CNTNAP2: variants seen among roughly 807,000 people sequenced by gnomAD.
CNTNAP2 encodes contactin associated protein 2.
Under a neutral mutation model 155.2 loss-of-function variants are expected in CNTNAP2, and 98 were observed. That is an observed-to-expected ratio of 0.63 (90% CI 0.54 to 0.75). The LOEUF is 0.75. CNTNAP2 is among the 30% of genes least tolerant of loss of function. CNTNAP2 has a pLI of 0.00. For synonymous variants in CNTNAP2, 651 were observed against 631.2 expected (o/e 1.03, Z -0.47); for missense variants, 1,727 against 1,688.1 (o/e 1.02, Z -0.40).
At chr7:147,434,373 A>G (rs1797516115) in intron 10 of CNTNAP2, among the ~76,000 whole-genome samples, 1 of 152,212 alleles carries the variant, frequency 6.6e-6, no homozygotes, top group Non-Finnish European at 1.5e-5. Context: ...CCTCTCCAGG[A>G]TTATTTCAAA....
At chr7:146,337,346 G>A (rs1257917366) in intron 1 of CNTNAP2, among the ~76,000 whole-genome samples, 1 of 151,248 alleles carries the variant, frequency 6.6e-6, no homozygotes, top group African/African-American at 2.4e-5. Context: ...TTAAAAGTGA[G>A]AAGAAACTAC....
intron 1 of CNTNAP2, among the ~76,000 whole-genome samples, chr7:146,655,240 CTG>C (rs1380062313): frequency 1.3e-5 from 2 of 151,714 alleles, no homozygotes; most frequent in African/African-American, 4.8e-5. Flanking sequence ...TGGCAAAACC[CTG>C]TCTCTACTAA....
At chr7:147,412,936 A>G (rs1462614910) in intron 10 of CNTNAP2, among the ~76,000 whole-genome samples, 1 of 152,196 alleles carries the variant, frequency 6.6e-6, no homozygotes, top group Non-Finnish European at 1.5e-5. Context: ...GGAATTCATA[A>G]ACTTTTGGAA....
intron 10 of CNTNAP2, among the ~76,000 whole-genome samples, chr7:147,407,787 A>G (rs1015670756): frequency 2.6e-5 from 4 of 152,224 alleles, no homozygotes; most frequent in South Asian, 2.1e-4. Context: ...TAAAACCACT[A>G]TCAGCTGCGT....
chr7:148,192,227 A>G (rs1310556007), intron 18 of CNTNAP2, among the ~76,000 whole-genome samples: 2 of 152,184 alleles, frequency 1.3e-5, no homozygotes, highest in African/African-American at 4.8e-5. Flanking sequence ...TCACTCAAAC[A>G]AAATACATTA....
intron 3 of CNTNAP2, among the ~76,000 whole-genome samples, chr7:146,937,275 C>G (rs559951582): frequency 1.3e-4 from 20 of 150,670 alleles, no homozygotes; most frequent in African/African-American, 4.6e-4. Flanking sequence ...CCTGTAGTCC[C>G]GGGAGGTGGA....
At position 146,716,933 on chromosome 7, in the gene CNTNAP2, A is replaced by G. The variant is rs117649176; in HGVS notation, c.98-57338A>G. On this transcript the variant is annotated intron_variant, in intron 1 of 23. Coordinates refer to ENST00000361727, the MANE Select transcript of CNTNAP2 (RefSeq NM_014141.6). ...TTAATAATCAGGAAAATTAAAATAA[A>G]TGGGGGCCTCAATTATATCTAGAAA... Among the ~76,000 whole-genome samples, 6 of 152,298 alleles carry G rather than the reference A, an allele frequency of 3.9e-5. No homozygotes were observed. The East Asian group carries it at 1.2e-3, about 29-fold the overall frequency.
intron 3 of CNTNAP2, among the ~76,000 whole-genome samples, chr7:146,868,695 C>A (rs1340013564): frequency 1.3e-5 from 2 of 151,996 alleles, no homozygotes; most frequent in African/African-American, 4.8e-5. Flanking sequence ...TTTCCTTGAG[C>A]AGTGTTTTGT....
intron 22 of CNTNAP2, among the ~76,000 whole-genome samples, chr7:148,397,166 A>G (rs1799487129): frequency 6.6e-6 from 1 of 152,258 alleles, no homozygotes; most frequent in African/African-American, 2.4e-5. Context: ...CAGAGAAAAT[A>G]AATGTATTCA....
chr7:148,222,142 A>G (rs901598707), intron 19 of CNTNAP2, among the ~76,000 whole-genome samples: 4 of 152,144 alleles, frequency 2.6e-5, no homozygotes, highest in African/African-American at 9.7e-5. Flanking sequence ...TTCTCTCCCA[A>G]TCCATCTCTC....
chr7:146,671,427 A>ACT (rs946690640), intron 1 of CNTNAP2, among the ~76,000 whole-genome samples: 1 of 134,368 alleles, frequency 7.4e-6, no homozygotes, highest in African/African-American at 2.6e-5. Flanking sequence ...TTTTTTTGTC[A>ACT]CTCACACACA....
intron 3 of CNTNAP2, among the ~76,000 whole-genome samples, chr7:146,931,825 T>G (rs938800552): frequency 6.6e-6 from 1 of 151,912 alleles, no homozygotes; most frequent in African/African-American, 2.4e-5. Context: ...GCAAATAAAC[T>G]AGAAAATCTA....
At chr7:148,102,292 A>C (rs1183946058) in intron 15 of CNTNAP2, among the ~76,000 whole-genome samples, 1 of 152,174 alleles carries the variant, frequency 6.6e-6, no homozygotes, top group East Asian at 1.9e-4. Context: ...TGTTCCCTCA[A>C]AAGACATGAT....
At chr7:148,413,263 G>T (rs1799885619) in intron 23 of CNTNAP2, among the ~76,000 whole-genome samples, 1 of 150,170 alleles carries the variant, frequency 6.7e-6, no homozygotes, top group Non-Finnish European at 1.5e-5. Flanking sequence ...GTACTGGTGG[G>T]CGCCTGTAAG....
intron 13 of CNTNAP2, among the ~76,000 whole-genome samples, chr7:147,721,355 C>T (rs143132828): frequency 0.016 from 2,496 of 152,094 alleles, 222 homozygotes; most frequent in Admixed American, 0.15. Context: ...TATGGGTTTG[C>T]AGTTTTCAAT....
chr7:147,895,752 G>A (rs1457807269), intron 13 of CNTNAP2, among the ~76,000 whole-genome samples: 1 of 152,174 alleles, frequency 6.6e-6, no homozygotes, highest in Non-Finnish European at 1.5e-5. Flanking sequence ...CATTTCATTA[G>A]CATAGCACTG....
intron 11 of CNTNAP2, 105 bp from the exon 12 acceptor site, chr7:147,562,033 C>T (rs1042422957): frequency 9.8e-6 from 14 of 1,429,232 alleles, no homozygotes; most frequent in Admixed American, 5.1e-5. Context: ...GGAAGAACTA[C>T]TCCTAACTAG....
At chr7:146,254,113 G>T (rs974081870) in intron 1 of CNTNAP2, among the ~76,000 whole-genome samples, 1 of 145,106 alleles carries the variant, frequency 6.9e-6, no homozygotes, top group African/African-American at 2.7e-5. Flanking sequence ...GATGTTCAGT[G>T]TATTCATTGC....
intron 1 of CNTNAP2, among the ~76,000 whole-genome samples, chr7:146,554,085 C>T (rs1798160650): frequency 6.6e-6 from 1 of 152,146 alleles, no homozygotes; most frequent in Non-Finnish European, 1.5e-5. Context: ...TCATATCCCT[C>T]AAGCTGATGA....
Sources: allele counts gnomAD v4.1 joint callset (sites outside exome capture counted in the v4.1 genomes callset), GRCh38; gene constraint gnomAD v4.1.1; transcripts MANE v1.5; gene names NCBI Gene and HGNC (gene_info 2026-07-23, HGNC 2026-07-21).